The following ERI3 variants were observed in gnomAD, a reference collection of about 807,000 sequenced individuals.
ERI3 encodes the protein ERI1 exoribonuclease family member 3, also known as ERI1 exoribonuclease 3.
ERI3 carries 18 observed loss-of-function variants against 44.4 expected under a neutral mutation model. The ratio of observed to expected loss-of-function variants is 0.41; its 90% CI spans 0.28 to 0.60. The LOEUF is 0.60. Ranked by LOEUF, ERI3 falls within the 20% of genes least tolerant of loss-of-function variation. The probability of loss-of-function intolerance (pLI) is 0.36; values close to 1 mark genes in which losing one functional copy is unlikely to be tolerated. For synonymous variants in ERI3, 183 were observed against 164.8 expected, an observed-to-expected ratio of 1.11 and a Z score of -0.84; for missense variants, 294 against 435.5, an observed-to-expected ratio of 0.68 and a Z score of 2.89.
At chr1:44,313,475 G>A (rs9659179) in intron 4 of ERI3, among the ~76,000 whole-genome samples, 2,736 of 152,202 alleles carry the variant, frequency 0.018, 31 homozygotes, top group African/African-American at 0.026. Flanking sequence ...ACCACAAGGC[G>A]TGTTCTCACA....
chr1:44,242,769 C>T (rs962104263), intron 8 of ERI3, among the ~76,000 whole-genome samples: 1 of 152,132 alleles, frequency 6.6e-6, no homozygotes, highest in African/African-American at 2.4e-5. Flanking sequence ...CGGGGGCTGG[C>T]GTTTGGTGTG....
intron 8 of ERI3, among the ~76,000 whole-genome samples, chr1:44,234,368 C>T (rs1644256301): frequency 6.6e-6 from 1 of 152,142 alleles, no homozygotes; most frequent in South Asian, 2.1e-4. Flanking sequence ...ATTTCACTCC[C>T]TGTCTTAAAA....
At chr1:44,270,924 C>A (rs1208783139) in intron 7 of ERI3, among the ~76,000 whole-genome samples, 1 of 152,248 alleles carries the variant, frequency 6.6e-6, no homozygotes, top group African/African-American at 2.4e-5. Context: ...AGAGTGCCAG[C>A]ATTCCTCTAA....
chr1:44,328,949 T>A (rs1347437568), intron 3 of ERI3, among the ~76,000 whole-genome samples: 1 of 152,126 alleles, frequency 6.6e-6, no homozygotes, highest in Non-Finnish European at 1.5e-5. Context: ...GCCTGTCACA[T>A]CCAAGAACTT....
intron 6 of ERI3, among the ~76,000 whole-genome samples, chr1:44,307,841 G>A (rs1176086470): frequency 6.6e-6 from 1 of 152,160 alleles, no homozygotes; most frequent in Non-Finnish European, 1.5e-5. Flanking sequence ...TTGAATCCTG[G>A]CTGTGTGTCC....
intron 7 of ERI3, among the ~76,000 whole-genome samples, chr1:44,248,702 A>AGT (rs143570480): frequency 0.1 from 15,390 of 148,410 alleles, 929 homozygotes; most frequent in Middle Eastern, 0.21. Context: ...TGTGAGAGAG[A>AGT]GTGTGTGTGT....
intron 2 of ERI3, among the ~76,000 whole-genome samples, chr1:44,341,793 A>C (rs1310232723): frequency 6.6e-6 from 1 of 152,026 alleles, no homozygotes; most frequent in Non-Finnish European, 1.5e-5. Flanking sequence ...GGTAGGCTGA[A>C]GTAGGAAGAT....
At chr1:44,238,544 T>C (rs977045361) in intron 8 of ERI3, among the ~76,000 whole-genome samples, 4 of 152,150 alleles carry the variant, frequency 2.6e-5, no homozygotes, top group Admixed American at 2.0e-4. Flanking sequence ...GCATCATCGT[T>C]GCGGAGATCA....
intron 7 of ERI3, among the ~76,000 whole-genome samples, chr1:44,255,628 G>A (rs181992142): frequency 1.4e-4 from 21 of 152,026 alleles, no homozygotes; most frequent in Admixed American, 1.0e-3. Context: ...TGCCTACCTC[G>A]AATCACCCCC....
intron 7 of ERI3, among the ~76,000 whole-genome samples, 164 bp downstream of exon 7, chr1:44,284,671 C>A (rs1000897961): frequency 1.4e-4 from 22 of 152,084 alleles, no homozygotes; most frequent in African/African-American, 5.1e-4. Context: ...TCAGAAATAA[C>A]CACATTTCAG....
intron 7 of ERI3, among the ~76,000 whole-genome samples, chr1:44,280,676 CT>C (rs998866113): frequency 2.0e-5 from 3 of 152,106 alleles, no homozygotes; most frequent in African/African-American, 7.2e-5. Flanking sequence ...AGCAACTGGT[CT>C]CCTGTATCTG....
intron 4 of ERI3, among the ~76,000 whole-genome samples, chr1:44,314,666 G>A (rs1175367012): frequency 6.6e-6 from 1 of 152,160 alleles, no homozygotes; most frequent in Non-Finnish European, 1.5e-5. Context: ...GGGCTGGGGG[G>A]CTGGGAGTGG....
Position 44,221,638 on chromosome 1 carries a change from C to T in ERI3, c.934G>A (p.Asp312Asn), listed in dbSNP as rs770227308. 1.2e-6 allele frequency: 2 copies of T among 1,613,726 alleles called. No individual in the cohort carries two copies. Among genetic ancestry groups the T allele is most frequent in the South Asian group, 1.1e-5 (1 of 91,046 alleles). ...HIGRPHSGID[D>N]CKNIANIMKT... ...ATGATGTTGGCAATGTTCTTGCAGT[C>T]GTCTAAAAAGGAGAGAAGACATTTA... The change falls in exon 9 of 9, where the codon GAC (aspartate) becomes AAC (asparagine). Residue 312 changes from aspartate (D) to asparagine (N), a missense_variant and splice_region_variant. By Grantham distance (23) the Asp-to-Asn change is conservative (BLOSUM62 1). Coordinates refer to ENST00000372257, the MANE Select transcript of ERI3 (RefSeq NM_024066.3). The surrounding 1 kb of genome is among the most constrained non-coding windows in gnomAD (Gnocchi z 5.9).
At chr1:44,257,642 T>C (rs1644807285) in intron 7 of ERI3, among the ~76,000 whole-genome samples, 1 of 152,214 alleles carries the variant, frequency 6.6e-6, no homozygotes, top group South Asian at 2.1e-4. Flanking sequence ...AAGGTGCTTG[T>C]AAGGCACAGG....
chr1:44,319,630 C>G lies in ERI3; in HGVS notation c.604G>C (p.Glu202Gln). Reference protein sequence around the residue: ...VHPQLTPFCTELTGIIQAMVD... With the variant: ...VHPQLTPFCTQLTGIIQAMVD... ...CTGCCCACTTCCAGGGCCCTTACCT[C>G]TGTACAGAATGGGGTAAGCTGTGGA... Residue 202 changes from glutamate (E) to glutamine (Q), a missense_variant and splice_region_variant, in exon 4 of 9, where the codon GAG becomes CAG. Transcript: ENST00000372257. 1 of 1,611,822 alleles carries G rather than the reference C, an allele frequency of 6.2e-7. No homozygotes were observed. Among genetic ancestry groups the G allele is most frequent in the Non-Finnish European group, 8.5e-7 (1 of 1,177,928 alleles).
chr1:44,310,959 GCGCGCA>G (rs1645951075), intron 5 of ERI3, among the ~76,000 whole-genome samples: 5 of 81,256 alleles, frequency 6.2e-5, no homozygotes, highest in Admixed American at 1.5e-4. Flanking sequence ...CATCGCGCGC[GCGCGCA>G]CACACACACA....
At chr1:44,236,413 T>C (rs183862784) in intron 8 of ERI3, among the ~76,000 whole-genome samples, 1 of 152,274 alleles carries the variant, frequency 6.6e-6, no homozygotes, top group Non-Finnish European at 1.5e-5. Context: ...TGTGATTAAA[T>C]GCTACAAATG....
chr1:44,286,273 C>T (rs1038687276), intron 6 of ERI3, among the ~76,000 whole-genome samples: 3 of 152,138 alleles, frequency 2.0e-5, no homozygotes, highest in African/African-American at 7.2e-5. Flanking sequence ...ATCTTTAGTA[C>T]GCCACTAGAA....
intron 4 of ERI3, among the ~76,000 whole-genome samples, chr1:44,318,164 C>T (rs911362207): frequency 2.6e-5 from 4 of 152,148 alleles, no homozygotes; most frequent in African/African-American, 9.7e-5. Context: ...CCTCTTCTTC[C>T]GATACTCTCA....
Sources: gnomAD v4.1 joint callset for allele counts (sites outside exome capture counted in the v4.1 genomes callset) on GRCh38, gnomAD v4.1.1 for gene constraint, Gnocchi (gnomAD v3.1) non-coding constraint, MANE v1.5 for transcripts, NCBI Gene and HGNC (gene_info 2026-07-23, HGNC 2026-07-21) for gene names.